The following SLC44A5 variants were observed in gnomAD, a reference collection of about 807,000 sequenced individuals.
SLC44A5 encodes the protein solute carrier family 44 member 5.
In SLC44A5, 57 loss-of-function variants were observed where a neutral mutation model predicts 101.8. The ratio of observed to expected loss-of-function variants is 0.56; its 90% CI spans 0.45 to 0.70. SLC44A5 has a LOEUF of 0.70. Ranked by LOEUF, SLC44A5 falls within the 30% of genes least tolerant of loss-of-function variation. The probability of loss-of-function intolerance (pLI) is 0.00; values close to 1 mark genes in which losing one functional copy is unlikely to be tolerated. For missense variants in SLC44A5, 737 were observed against 853.1 expected (o/e 0.86, Z 1.70); for synonymous variants, 281 against 290.9 (o/e 0.97, Z 0.35).
At chr1:75,391,653 G>C (rs376961412) in intron 3 of SLC44A5, among the ~76,000 whole-genome samples, 21 of 152,102 alleles carry the variant, frequency 1.4e-4, no homozygotes, top group African/African-American at 5.1e-4. Flanking sequence ...TGGTGTTGTG[G>C]TAGCTGGCTA....
chr1:75,440,139 T>C (rs1311054936), intron 2 of SLC44A5, among the ~76,000 whole-genome samples: 2 of 152,122 alleles, frequency 1.3e-5, no homozygotes, highest in Admixed American at 1.3e-4. Flanking sequence ...GTAACTTACA[T>C]TGTAGTGGTG....
intron 4 of SLC44A5, among the ~76,000 whole-genome samples, chr1:75,316,686 G>T (rs759018179): frequency 6.6e-6 from 1 of 152,124 alleles, no homozygotes; most frequent in Non-Finnish European, 1.5e-5. Context: ...AAAATTTTTG[G>T]TTAAAAGTAG....
the SLC44A5 span, among the ~76,000 whole-genome samples, chr1:75,642,297 A>G: frequency 1.3e-5 from 2 of 152,186 alleles, no homozygotes; most frequent in East Asian, 1.9e-4. Context: ...TGTTGATATC[A>G]AAGTTGTTGT....
chr1:75,466,006 A>C (rs1222602022), intron 2 of SLC44A5, among the ~76,000 whole-genome samples: 1 of 152,246 alleles, frequency 6.6e-6, no homozygotes, highest in Non-Finnish European at 1.5e-5. Flanking sequence ...GGATGAGAGC[A>C]TACTTCCAAA....
intron 1 of SLC44A5, among the ~76,000 whole-genome samples, chr1:75,594,896 G>A (rs747401387): frequency 2.0e-5 from 3 of 151,746 alleles, no homozygotes; most frequent in Non-Finnish European, 2.9e-5. Flanking sequence ...GGTAGATAAA[G>A]TCAATATTTC....
chr1:75,687,267 T>C, the SLC44A5 span, among the ~76,000 whole-genome samples: 2 of 152,128 alleles, frequency 1.3e-5, no homozygotes, highest in African/African-American at 4.8e-5. Context: ...CATGTGAAAG[T>C]GAATGGCTCC....
chr1:75,431,556 C>A (rs578188937), intron 2 of SLC44A5, among the ~76,000 whole-genome samples: 3 of 152,244 alleles, frequency 2.0e-5, no homozygotes, highest in African/African-American at 7.2e-5. Flanking sequence ...TCATATGTGA[C>A]CTTCTTTGCA....
chr1:75,456,950 T>C lies in SLC44A5; in HGVS notation c.14-60329A>G, dbSNP rs527702298. 2.6e-5 allele frequency among the ~76,000 whole-genome samples: 4 copies of C among 152,282 alleles called. No individual in the cohort carries two copies. The East Asian group carries it at 5.8e-4, about 22-fold the overall frequency. On this transcript the variant is annotated intron_variant, in intron 2 of 23. Transcript: ENST00000370859. ...CGGACATCCCCAATAGGTCCACACA[T>C]TTTCTGATGGGAGAAACAGCCTGTT...
chr1:75,680,496 T>A, the SLC44A5 span, among the ~76,000 whole-genome samples: 1 of 151,050 alleles, frequency 6.6e-6, no homozygotes, highest in African/African-American at 2.4e-5. Flanking sequence ...CTGAACAACC[T>A]GCTCCTGAAT....
At chr1:75,264,567 G>A (rs1463154156) in intron 6 of SLC44A5, among the ~76,000 whole-genome samples, 15 of 152,110 alleles carry the variant, frequency 9.9e-5, no homozygotes, top group Non-Finnish European at 2.2e-4. Flanking sequence ...AAAGAAATTA[G>A]GAGGAAATTT....
intron 5 of SLC44A5, among the ~76,000 whole-genome samples, chr1:75,293,019 C>T (rs1275081680): frequency 2.0e-5 from 3 of 152,190 alleles, no homozygotes; most frequent in Admixed American, 6.5e-5. Flanking sequence ...TAAAACACCA[C>T]TTTAAGTGAA....
At chr1:75,641,024 A>C in the SLC44A5 span, among the ~76,000 whole-genome samples, 2 of 152,116 alleles carry the variant, frequency 1.3e-5, no homozygotes, top group Admixed American at 1.3e-4. Context: ...AGTAGAACCC[A>C]TAAGTTGATC....
At chr1:75,231,748 A>G (rs1647591579) in intron 12 of SLC44A5, among the ~76,000 whole-genome samples, 1 of 152,182 alleles carries the variant, frequency 6.6e-6, no homozygotes. Context: ...AGAGGATCAT[A>G]CAGTTAATAT....
chr1:75,708,303 A>C, the SLC44A5 span, among the ~76,000 whole-genome samples: 2 of 151,140 alleles, frequency 1.3e-5, no homozygotes, highest in Non-Finnish European at 2.9e-5. Flanking sequence ...TATCCCAGCT[A>C]ATCAGGAGGC....
chr1:75,402,210 T>G (rs1268538762), intron 2 of SLC44A5, among the ~76,000 whole-genome samples: 4 of 152,224 alleles, frequency 2.6e-5, no homozygotes, highest in Non-Finnish European at 5.9e-5. Flanking sequence ...GATAATGTTC[T>G]GTTTTCTGTA....
the SLC44A5 span, among the ~76,000 whole-genome samples, chr1:75,639,866 G>C: frequency 6.6e-6 from 1 of 152,136 alleles, no homozygotes; most frequent in South Asian, 2.1e-4. Flanking sequence ...TAAGGGGGTA[G>C]TCAGATTTGG....
chr1:75,360,567 T>C (rs1659414745), intron 3 of SLC44A5, among the ~76,000 whole-genome samples: 1 of 152,188 alleles, frequency 6.6e-6, no homozygotes, highest in African/African-American at 2.4e-5. Context: ...AGAAACTATC[T>C]TTTTTTCCCA....
At chr1:75,401,740 C>T (rs974341086) in intron 2 of SLC44A5, among the ~76,000 whole-genome samples, 5 of 151,994 alleles carry the variant, frequency 3.3e-5, no homozygotes, top group African/African-American at 4.8e-5. Flanking sequence ...TACTGCAGCA[C>T]GGAGGTTTGA....
the SLC44A5 span, among the ~76,000 whole-genome samples, chr1:75,711,501 T>C: frequency 2.0e-5 from 3 of 152,224 alleles, no homozygotes; most frequent in Non-Finnish European, 2.9e-5. Context: ...GACTACAGCA[T>C]GGGAGCTGTT....
Sources: gnomAD v4.1 joint callset for allele counts (sites outside exome capture counted in the v4.1 genomes callset) on GRCh38, gnomAD v4.1.1 for gene constraint, MANE v1.5 for transcripts, NCBI Gene and HGNC (gene_info 2026-07-23, HGNC 2026-07-21) for gene names.